Variants in EVPL observed in about 807,000 individuals in gnomAD.
The protein encoded by EVPL is 210 kDa cornified envelope precursor protein.
Under a neutral mutation model 129.7 loss-of-function variants are expected in EVPL, and 94 were observed. The ratio of observed to expected loss-of-function variants is 0.72; its 90% CI spans 0.61 to 0.86. The LOEUF (loss-of-function observed/expected upper bound fraction) is 0.86. Ranked by LOEUF, EVPL falls within the 40% of genes least tolerant of loss-of-function variation. The probability of loss-of-function intolerance (pLI) is 0.00; values close to 1 mark genes in which losing one functional copy is unlikely to be tolerated. For synonymous variants in EVPL, 1,172 were observed against 1,191.1 expected (o/e 0.98, Z 0.33); for missense variants, 2,625 against 2,721.1 (o/e 0.96, Z 0.79).
Position 76,024,129 on chromosome 17 carries a change from T to A in EVPL, c.99-9A>T, listed in dbSNP as rs771005928. The A allele has an allele frequency of 1.6e-5, 25 of 1,612,800 alleles. No individual in the cohort carries two copies. The highest frequency in any genetic ancestry group is 2.0e-5 in the Non-Finnish European group (24 of 1,179,544). ...GCTCCTGGGTGGCAGCCCTAGTGTG[T>A]GGAGGGGACAGCGGGTAGCTCGGTG... is the stretch of plus-strand genomic sequence containing the variant. On this transcript the variant is annotated splice_polypyrimidine_tract_variant and intron_variant, in intron 1 of 21. Coordinates refer to ENST00000301607, the MANE Select transcript of EVPL (RefSeq NM_001988.4). The surrounding 1 kb of genome is among the most constrained non-coding windows in gnomAD (Gnocchi z 4.5).
chr17:76,021,971 AG>A lies in EVPL; in HGVS notation c.702del (p.Cys235AlafsTer5). ...SLGSLYTHLQ[G>X]CTRQLSALAE... ...GCCAGGGCGCTCAGCTGCCGCGTGCAGCCCTGGAGGTGCGTGTACAGGCTGC... is the reference window on the plus strand; with the variant it reads ...GCCAGGGCGCTCAGCTGCCGCGTGCACCCTGGAGGTGCGTGTACAGGCTGC... On this transcript the variant is annotated frameshift_variant, in exon 7 of 22. Transcript: ENST00000301607. LOFTEE classifies it high-confidence loss of function. The A allele has an allele frequency of 1.9e-6, 3 of 1,563,948 alleles. No individual in the cohort carries two copies. The South Asian group carries it at 3.5e-5, about 18-fold the overall frequency.
rs1472856935 is a variant in EVPL, at chr17:76,009,142, G to C, written c.4063C>G (p.Gln1355Glu). 2.5e-6 allele frequency: 4 copies of C among 1,612,286 alleles called. No homozygotes were observed. Among genetic ancestry groups the C allele is most frequent in the Non-Finnish European group, 2.5e-6 (3 of 1,179,752 alleles). Residue 1355 changes from glutamine (Q) to glutamate (E), a missense_variant, in exon 22 of 22, where the codon CAG becomes GAG. Physicochemically the swap from Gln to Glu is conservative, Grantham distance 29. Coordinates refer to ENST00000301607, the MANE Select transcript of EVPL (RefSeq NM_001988.4). The surrounding 1 kb of genome is among the most constrained non-coding windows in gnomAD (Gnocchi z 5.9). ...RAAEDAVYEL[Q>E]SKRLLLERRK... is the part of the protein sequence containing the mutation. ...CTCTCCAGCAGCAGGCGCTTGCTCT[G>C]CAGCTCGTACACCGCGTCCTCCGCG...
rs1214667541 is a variant in EVPL at position 76,007,387 on chromosome 17, G to C, written c.5818C>G (p.Leu1940Val). 1 of 1,600,888 alleles carries C rather than the reference G, an allele frequency of 6.2e-7. No homozygotes were observed. The highest frequency in any genetic ancestry group is 1.1e-5 in the South Asian group (1 of 90,492). The change falls in exon 22 of 22, where the codon CTG becomes GTG. Residue 1940 changes from leucine (L) to valine (V), a missense_variant. Leu to Val is a conservative substitution (Grantham distance 32). Transcript: ENST00000301607. The surrounding 1 kb of genome is among the most constrained non-coding windows in gnomAD (Gnocchi z 8.8). Reference sequence around the variant, plus strand: ...TTGGGGTCGATGAGCCCCCCGGTCAGGTGCTGCACCTGCAGGTGTGGGAGC... The same window carrying C: ...TTGGGGTCGATGAGCCCCCCGGTCACGTGCTGCACCTGCAGGTGTGGGAGC... ...SVLPHLQVQH[L>V]TGGLIDPKRT... is the part of the protein sequence containing the mutation.
intron 18 of EVPL, among the ~76,000 whole-genome samples, chr17:76,012,492 G>A (rs1417907537): frequency 2.6e-5 from 4 of 151,808 alleles, no homozygotes; most frequent in South Asian, 4.2e-4. Flanking sequence ...ATGGGGTTTC[G>A]CCATGTTGGC....
At chr17:76,023,012 T>C (rs1363704694) in intron 4 of EVPL, among the ~76,000 whole-genome samples, 1 of 152,158 alleles carries the variant, frequency 6.6e-6, no homozygotes, top group Non-Finnish European at 1.5e-5. Context: ...AAGCCCAGGC[T>C]TCCTCCTGGC....
chr17:76,009,163 C>T lies in EVPL; in HGVS notation c.4042G>A (p.Glu1348Lys). 1.9e-6 allele frequency: 3 copies of T among 1,607,900 alleles called. No individual in the cohort carries two copies. In the South Asian group the frequency reaches 3.3e-5, roughly 18 times the overall value. The change falls in exon 22 of 22, where the codon GAG becomes AAG. Residue 1348 changes from glutamate to lysine, a missense_variant. Around this residue, in one of 4 missense-constraint regions of EVPL, gnomAD observed 1,453 missense variants for 1,511.8 expected, o/e 0.96. Coordinates refer to ENST00000301607, the MANE Select transcript of EVPL (RefSeq NM_001988.4). The surrounding 1 kb of genome is among the most constrained non-coding windows in gnomAD (Gnocchi z 5.9). The stretch of plus-strand genomic sequence containing the variant: ...CTCTGCAGCTCGTACACCGCGTCCT[C>T]CGCGGCCCGCCTCTTCTGGGCCGCC... ...REAAQKRRAA[E>K]DAVYELQSKR...
rs911692525 is a variant in EVPL at position 76,007,540 on chromosome 17, C to T, written c.5665G>A (p.Glu1889Lys). Residue 1889 changes from glutamate to lysine, a missense_variant, in exon 22 of 22, where the codon GAG (glutamate) becomes AAG (lysine). Coordinates refer to ENST00000301607, the MANE Select transcript of EVPL (RefSeq NM_001988.4). The surrounding 1 kb of genome is among the most constrained non-coding windows in gnomAD (Gnocchi z 8.8). ...AGCAGCCTCTGTGTGGAGGTGTTCT[C>T]GATCAGGCCCCTCTCCATCGCCTTG... Reference protein sequence around the residue: ...VHKAMERGLIENTSTQRLLNA... With the variant: ...VHKAMERGLIKNTSTQRLLNA... 2.4e-5 allele frequency: 39 copies of T among 1,613,886 alleles called. No homozygotes were observed. Among genetic ancestry groups the T allele is most frequent in the Non-Finnish European group, 3.1e-5 (37 of 1,180,044 alleles).
At position 76,021,949 on chromosome 17, in the gene EVPL, A is replaced by G; in HGVS notation, c.725T>C (p.Leu242Pro). 1 of 1,560,500 alleles carries G rather than the reference A, an allele frequency of 6.4e-7. No individual in the cohort carries two copies. The highest frequency in any genetic ancestry group is 1.2e-5 in the South Asian group (1 of 86,198). Residue 242 changes from leucine (L) to proline (P), a missense_variant, in exon 7 of 22, where the codon CTG becomes CCG. Leu to Pro is a moderately conservative substitution (Grantham distance 98). Transcript: ENST00000301607. ...LQGCTRQLSA[L>P]AEQQRRILQQ... Reference sequence around the variant, plus strand: ...CAGGATGCGGCGCTGCTGCTCAGCCAGGGCGCTCAGCTGCCGCGTGCAGCC... The same window carrying G: ...CAGGATGCGGCGCTGCTGCTCAGCCGGGGCGCTCAGCTGCCGCGTGCAGCC...
rs1189965413 is a variant in EVPL at position 76,007,758 on chromosome 17, A to G, written c.5447T>C (p.Phe1816Ser). 1 of 1,612,292 alleles carries G rather than the reference A, an allele frequency of 6.2e-7. No homozygotes were observed. Among genetic ancestry groups the G allele is most frequent in the Admixed American group, 1.7e-5 (1 of 59,946 alleles). The change falls in exon 22 of 22, where the codon TTC (phenylalanine) becomes TCC (serine). Residue 1816 changes from phenylalanine (F) to serine (S), a missense_variant. Phe to Ser is a radical substitution (Grantham distance 155). Coordinates refer to ENST00000301607, the MANE Select transcript of EVPL (RefSeq NM_001988.4). The surrounding 1 kb of genome is among the most constrained non-coding windows in gnomAD (Gnocchi z 8.8). ...GCTGTCATCACCGAGCCCGAGAGAG[A>G]AGCTGGGAGAGAAGAAACTGGTGCT... ...PQSTSFFSPS[F>S]SLGLGDDSFP...
In EVPL at chr17:76,015,009, A is replaced by G. The variant is rs1188929871; in HGVS notation, c.2129T>C (p.Phe710Ser). ...AGGCAGGTCTTGGCAGAACTCCTGG[A>G]AGTTGTTCTGCAGGGCAGCGCATGC... ...EHACAALQNN[F>S]QEFCQDLPRQ... Residue 710 changes from phenylalanine (F) to serine (S), a missense_variant, in exon 17 of 22, where the codon TTC becomes TCC. Physicochemically the swap from Phe to Ser is radical, Grantham distance 155. Transcript: ENST00000301607. The G allele has an allele frequency of 6.3e-7, 1 of 1,596,448 alleles. No individual in the cohort carries two copies. The highest frequency in any genetic ancestry group is 8.5e-7 in the Non-Finnish European group (1 of 1,176,832).
Position 76,011,589 on chromosome 17 carries a change from T to C in EVPL, c.2648A>G (p.Lys883Arg). The change falls in exon 21 of 22, where the codon AAA (lysine) becomes AGA (arginine). Residue 883 changes from lysine (K) to arginine (R), a missense_variant. By Grantham distance (26) the Lys-to-Arg change is conservative. This residue lies in a region of EVPL where 1,024 missense variants were observed against 997.5 expected (regional missense o/e 1.03). Transcript: ENST00000301607. ...TTGTCTGTGTACCTTCTCCAGCATT[T>C]TTCTAGCAAACTCCAGCTGCTGGAG... is the stretch of plus-strand genomic sequence containing the variant. The part of the protein sequence containing the change: ...QLLQQLEFAR[K>R]MLEKKELSED... 2 of 1,614,118 alleles carry C rather than the reference T, an allele frequency of 1.2e-6. No individual in the cohort carries two copies. Among genetic ancestry groups the C allele is most frequent in the Non-Finnish European group, 1.7e-6 (2 of 1,179,976 alleles).
Position 76,008,145 on chromosome 17 carries a change from G to A in EVPL, c.5060C>T (p.Ser1687Phe), listed in dbSNP as rs941306057. ...TRETNLSTKI[S>F]ILEPETGKDM... Reference sequence around the variant, plus strand: ...CTTCCCCGTCTCGGGTTCCAGGATGGAGATCTTGGTGGAAAGGTTGGTCTC... The same window carrying A: ...CTTCCCCGTCTCGGGTTCCAGGATGAAGATCTTGGTGGAAAGGTTGGTCTC... The change falls in exon 22 of 22, where the codon TCC becomes TTC. Residue 1687 changes from serine to phenylalanine, a missense_variant. Ser to Phe is a radical substitution (Grantham distance 155). Coordinates refer to ENST00000301607, the MANE Select transcript of EVPL (RefSeq NM_001988.4). This position sits in a 1 kb window ranked among gnomAD's most constrained non-coding sequence, Gnocchi z 7.4. The A allele has an allele frequency of 6.2e-7, 1 of 1,614,138 alleles. No homozygotes were observed.
chr17:76,012,586 T>G (rs1160867639), intron 18 of EVPL, among the ~76,000 whole-genome samples: 1 of 149,542 alleles, frequency 6.7e-6, no homozygotes, highest in Non-Finnish European at 1.5e-5. Flanking sequence ...TGAGCCACCT[T>G]TCTTTGGCCT....
Position 76,013,323 on chromosome 17 carries a change from C to G in EVPL, c.2373+1103G>C, listed in dbSNP as rs1322759845. The stretch of plus-strand genomic sequence containing the variant: ...CCAATGTCACCTCCCTACTCTCTCC[C>G]CAGATATTCTCATTTTCCGGCAGTC... On this transcript the variant is annotated intron_variant, in intron 18 of 21. Transcript: ENST00000301607. This position sits in a 1 kb window ranked among gnomAD's most constrained non-coding sequence, Gnocchi z 4.3. Among the ~76,000 whole-genome samples the G allele has an allele frequency of 2.6e-5, 4 of 152,146 alleles. No individual in the cohort carries two copies. In the East Asian group the frequency reaches 7.7e-4, roughly 29 times the overall value.
chr17:76,007,135 C>T lies in EVPL; in HGVS notation c.6070G>A (p.Ala2024Thr), dbSNP rs149512337. The change falls in exon 22 of 22, where the codon GCC becomes ACC. Residue 2024 changes from alanine (A) to threonine (T), a missense_variant. Ala to Thr is a moderately conservative substitution (Grantham distance 58). Transcript: ENST00000301607. This position sits in a 1 kb window ranked among gnomAD's most constrained non-coding sequence, Gnocchi z 8.8. ...ALEGYRCYRSASPTVPRSLR is the reference protein window; with the variant it reads ...ALEGYRCYRSTSPTVPRSLR ...AGGGAGCGCGGGACGGTGGGGGAGG[C>T]GGAGCGGTAGCAGCGGTACCCCTCC... 3.7e-4 allele frequency: 550 copies of T among 1,490,030 alleles called. 2 individuals are homozygous for T. Among genetic ancestry groups the T allele is most frequent in the African/African-American group, 3.0e-3 (216 of 71,538 alleles). The allele number at this position is 1,490,030 out of a possible 1,614,324, so 92.3% of individuals were successfully genotyped here.
chr17:76,009,621 C>T lies in EVPL; in HGVS notation c.3584G>A (p.Arg1195His), dbSNP rs762898947. ...KQRPKVQLQERVHEIFQVDPE... is the reference protein window; with the variant it reads ...KQRPKVQLQEHVHEIFQVDPE... Reference sequence around the variant, plus strand: ...ATCCACCTGGAAGATCTCGTGGACGCGCTCCTGGAGCTGCACTTTGGGCCT... The same window carrying T: ...ATCCACCTGGAAGATCTCGTGGACGTGCTCCTGGAGCTGCACTTTGGGCCT... The change falls in exon 22 of 22, where the codon CGC becomes CAC. Residue 1195 changes from arginine to histidine, a missense_variant. Physicochemically the swap from Arg to His is conservative, Grantham distance 29 (BLOSUM62 0). Around this residue, in one of 4 missense-constraint regions of EVPL, gnomAD observed 1,453 missense variants for 1,511.8 expected, o/e 0.96. Coordinates refer to ENST00000301607, the MANE Select transcript of EVPL (RefSeq NM_001988.4). This position sits in a 1 kb window ranked among gnomAD's most constrained non-coding sequence, Gnocchi z 5.9. 21 of 1,613,818 alleles carry T rather than the reference C, an allele frequency of 1.3e-5. No individual in the cohort carries two copies. The highest frequency in any genetic ancestry group is 8.8e-5 in the South Asian group (8 of 91,088).
chr17:76,015,552 G>C lies in EVPL; in HGVS notation c.1787C>G (p.Thr596Arg), dbSNP rs1199964444. The C allele has an allele frequency of 6.2e-7, 1 of 1,613,130 alleles. No homozygotes were observed. Among genetic ancestry groups the C allele is most frequent in the African/African-American group, 1.3e-5 (1 of 75,072 alleles). ...AQKECEAFLS[T>R]RPVGPAALQL... is the part of the protein sequence containing the mutation. ...CAGGGCAGCGGGGCCCACGGGCCGCGTGGACAGAAACGCCTCGCACTCCTT... is the reference window on the plus strand; with the variant it reads ...CAGGGCAGCGGGGCCCACGGGCCGCCTGGACAGAAACGCCTCGCACTCCTT... The change falls in exon 15 of 22, where the codon ACG becomes AGG. Residue 596 changes from threonine to arginine, a missense_variant. Thr to Arg is a moderately conservative substitution (Grantham distance 71). Transcript: ENST00000301607.
At chr17:76,021,418 C>T in intron 9 of EVPL, 50 bp downstream of exon 9, 1 of 597,844 alleles carries the variant, frequency 1.7e-6, no homozygotes, top group Non-Finnish European at 2.7e-6. Context: ...GCTCCCGCCC[C>T]TGCCGCCCCT....
Position 76,007,844 on chromosome 17 carries a change from G to A in EVPL, c.5361C>T (p.Ser1787=), listed in dbSNP as rs767264952. ...TGATAGAGCCGATGGAGAGTGAGGA[G>A]CTTGGCTTGGTCTCCCCAGCTACAA... ...ALLVAGETKP[S]SSLSIGSIIS... Residue 1787 remains serine (S), a synonymous_variant, in exon 22 of 22, where the codon AGC becomes AGT. Coordinates refer to ENST00000301607, the MANE Select transcript of EVPL (RefSeq NM_001988.4). This position sits in a 1 kb window ranked among gnomAD's most constrained non-coding sequence, Gnocchi z 8.8. 2 of 1,612,052 alleles carry A rather than the reference G, an allele frequency of 1.2e-6. No homozygotes were observed. The highest frequency in any genetic ancestry group is 1.7e-5 in the Admixed American group (1 of 59,986).
Sources: gnomAD v4.1 joint callset for allele counts (sites outside exome capture counted in the v4.1 genomes callset) on GRCh38, gnomAD v4.1.1 for gene constraint, gnomAD v4.1.1 regional missense constraint, Gnocchi (gnomAD v3.1) non-coding constraint, MANE v1.5 for transcripts, NCBI Gene and HGNC (gene_info 2026-07-23, HGNC 2026-07-21) for gene names.